Variants in IMMP2L observed in about 807,000 individuals in gnomAD.
The protein encoded by IMMP2L is inner mitochondrial membrane peptidase subunit 2.
IMMP2L carries 18 observed loss-of-function variants against 19.3 expected under a neutral mutation model. That is an observed-to-expected ratio of 0.93 (90% confidence interval 0.64 to 1.38). IMMP2L has a LOEUF of 1.38. Ranked by LOEUF, IMMP2L falls within the 40% of genes most tolerant of loss-of-function variation. IMMP2L has a pLI of 0.00. For missense variants in IMMP2L, 233 were observed against 218.2 expected (o/e 1.07, Z -0.43); for synonymous variants, 76 against 73.0 (o/e 1.04, Z -0.21).
At chr7:111,441,137 T>A (rs1837670303) in intron 3 of IMMP2L, among the ~76,000 whole-genome samples, 1 of 151,892 alleles carries the variant, frequency 6.6e-6, no homozygotes, top group Non-Finnish European at 1.5e-5. Flanking sequence ...TAAGGCTATT[T>A]CACTTTCTCA....
At chr7:111,255,965 CT>C (rs1463430969) in intron 3 of IMMP2L, among the ~76,000 whole-genome samples, 3 of 151,978 alleles carry the variant, frequency 2.0e-5, no homozygotes, top group Non-Finnish European at 2.9e-5. Context: ...ACAACAAATG[CT>C]TTTTAAAAAA....
In IMMP2L at chr7:111,373,121, A is replaced by G. The variant is rs181305668; in HGVS notation, c.239+114117T>C. Among the ~76,000 whole-genome samples, 355 of 145,588 alleles carry G rather than the reference A, an allele frequency of 2.4e-3. 3 individuals are homozygous for G. Among genetic ancestry groups the G allele is most frequent in the Non-Finnish European group, 1.7e-3 (113 of 65,372 alleles). On this transcript the variant is annotated intron_variant, in intron 3 of 5. Coordinates refer to ENST00000405709, the MANE Select transcript of IMMP2L (RefSeq NM_032549.4). ...CACTTTAAAGTAGCATTAAGTGGTG[A>G]AAAAAAAAAAACTGTAGAGAGAAAG...
At chr7:111,129,701 C>T (rs1164048334) in intron 3 of IMMP2L, among the ~76,000 whole-genome samples, 2 of 152,052 alleles carry the variant, frequency 1.3e-5, no homozygotes, top group African/African-American at 2.4e-5. Context: ...CTCCAGTTTT[C>T]ACACAATAGT....
chr7:111,532,920 C>A (rs1419155367), intron 1 of IMMP2L, among the ~76,000 whole-genome samples: 1 of 152,034 alleles, frequency 6.6e-6, no homozygotes, highest in Non-Finnish European at 1.5e-5. Context: ...AAGATTTATG[C>A]AATTTAAGGT....
intron 3 of IMMP2L, among the ~76,000 whole-genome samples, chr7:111,251,171 A>G (rs1816069985): frequency 6.6e-6 from 1 of 152,228 alleles, no homozygotes; most frequent in Non-Finnish European, 1.5e-5. Flanking sequence ...TCATCATTAG[A>G]GAAATAAAAA....
At chr7:111,533,979 A>G (rs1280082225) in intron 1 of IMMP2L, among the ~76,000 whole-genome samples, 3 of 152,036 alleles carry the variant, frequency 2.0e-5, no homozygotes, top group Admixed American at 6.5e-5. Context: ...AAAGACAATA[A>G]TTTTGAGAGA....
intron 3 of IMMP2L, among the ~76,000 whole-genome samples, chr7:111,333,514 C>T (rs1197810705): frequency 6.6e-6 from 1 of 151,740 alleles, no homozygotes; most frequent in African/African-American, 2.4e-5. Context: ...GACAAGGGGT[C>T]GACTTGTGAT....
chr7:111,013,135 G>GA (rs1203377353), intron 3 of IMMP2L, among the ~76,000 whole-genome samples: 1 of 152,072 alleles, frequency 6.6e-6, no homozygotes, highest in Non-Finnish European at 1.5e-5. Context: ...TTATATAAGG[G>GA]AAAAGTACCT....
intron 3 of IMMP2L, among the ~76,000 whole-genome samples, chr7:111,193,419 T>C (rs181844419): frequency 1.3e-3 from 191 of 152,268 alleles, no homozygotes; most frequent in African/African-American, 4.4e-3. Flanking sequence ...AGGTGATTTT[T>C]GTCTGACGGT....
intron 3 of IMMP2L, among the ~76,000 whole-genome samples, chr7:111,443,519 C>T (rs772536913): frequency 1.8e-4 from 28 of 152,146 alleles, no homozygotes; most frequent in Non-Finnish European, 2.9e-4. Context: ...AGAGCTCAAA[C>T]ATTTATCAAG....
At chr7:111,521,546 G>A in intron 1 of IMMP2L, 97 bp from the exon 2 acceptor site, 1 of 1,053,002 alleles carries the variant, frequency 9.5e-7, no homozygotes, top group Non-Finnish European at 1.4e-6. Context: ...TTACCGAAGG[G>A]CAATCTTGTC....
At chr7:110,916,050 T>C (rs540782226) in intron 4 of IMMP2L, among the ~76,000 whole-genome samples, 9 of 152,312 alleles carry the variant, frequency 5.9e-5, no homozygotes, top group Middle Eastern at 6.8e-3. Flanking sequence ...TCACGTCACA[T>C]TGAATGGCCA....
chr7:110,962,874 T>C, intron 4 of IMMP2L: 5 of 1,321,328 alleles, frequency 3.8e-6, no homozygotes, highest in Non-Finnish European at 4.8e-6. Flanking sequence ...CTACAACTTG[T>C]TTAAAGAAAG....
Position 110,663,545 on chromosome 7 carries a change from C to T in IMMP2L, c.*57G>A, listed in dbSNP as rs1584432042. 1 of 1,570,662 alleles carries T rather than the reference C, an allele frequency of 6.4e-7. No homozygotes were observed. The highest frequency in any genetic ancestry group is 1.4e-5 in the African/African-American group (1 of 73,632). The stretch of plus-strand genomic sequence containing the variant: ...TTTCCCTTTTGGAGGCTTCTTTTTT[C>T]CATTCCTTTCCAGTAACTGGCCTCC... On this transcript the variant is annotated 3_prime_UTR_variant, in exon 6 of 6. Coordinates refer to ENST00000405709, the MANE Select transcript of IMMP2L (RefSeq NM_032549.4).
intron 3 of IMMP2L, among the ~76,000 whole-genome samples, chr7:111,354,392 A>C (rs1381144299): frequency 6.6e-6 from 1 of 151,940 alleles, no homozygotes; most frequent in African/African-American, 2.4e-5. Flanking sequence ...TAAGGTAAAC[A>C]AACAGCAACC....
intron 3 of IMMP2L, among the ~76,000 whole-genome samples, chr7:111,224,736 T>C (rs1178251087): frequency 2.6e-5 from 4 of 152,116 alleles, no homozygotes; most frequent in East Asian, 1.9e-4. Flanking sequence ...CTTTTTGATA[T>C]GTTAATATTT....
intron 5 of IMMP2L, among the ~76,000 whole-genome samples, chr7:110,821,846 C>T (rs1385504884): frequency 6.6e-6 from 1 of 152,048 alleles, no homozygotes; most frequent in African/African-American, 2.4e-5. Context: ...TCGCTTGAAC[C>T]CAGTAGGTGG....
intron 3 of IMMP2L, among the ~76,000 whole-genome samples, chr7:111,062,101 C>A (rs1794070901): frequency 6.6e-6 from 1 of 152,086 alleles, no homozygotes; most frequent in Admixed American, 6.6e-5. Flanking sequence ...CTATTTTGTA[C>A]ATGTGTATTA....
chr7:111,295,072 T>G (rs760822235), intron 3 of IMMP2L, among the ~76,000 whole-genome samples: 3 of 151,870 alleles, frequency 2.0e-5, no homozygotes, highest in Non-Finnish European at 1.5e-5. Flanking sequence ...ATTACAGCAT[T>G]TTGCAGCATA....
Sources: allele counts gnomAD v4.1 joint callset (sites outside exome capture counted in the v4.1 genomes callset), GRCh38; gene constraint gnomAD v4.1.1; transcripts MANE v1.5; gene names NCBI Gene and HGNC (gene_info 2026-07-23, HGNC 2026-07-21).